Variants in BICD2 observed in about 807,000 individuals in gnomAD.
The protein encoded by BICD2 is BICD cargo adaptor 2.
A neutral mutation model predicts 72.9 loss-of-function variants in BICD2; 25 were observed. The ratio of observed to expected loss-of-function variants is 0.34; its 90% CI spans 0.25 to 0.48. The LOEUF (loss-of-function observed/expected upper bound fraction) is 0.48. BICD2 is among the 20% of genes least tolerant of loss of function. The pLI, the probability that BICD2 is intolerant of heterozygous loss-of-function variation, is 0.99. For missense variants in BICD2, 894 were observed against 1,175.2 expected (o/e 0.76, Z 3.50); for synonymous variants, 501 against 516.1 (o/e 0.97, Z 0.40).
chr9:92,738,541 G>A (rs1274245944), intron 1 of BICD2, among the ~76,000 whole-genome samples: 4 of 152,212 alleles, frequency 2.6e-5, no homozygotes, highest in African/African-American at 9.6e-5. Context: ...GAGAGAATGT[G>A]GATATCTCCA....
rs747623838 is a variant in BICD2 at position 92,720,849 on chromosome 9, G to A, written c.607-94C>T. The A allele has an allele frequency of 4.6e-5, 61 of 1,323,726 alleles. No homozygotes were observed. The highest frequency in any genetic ancestry group is 5.3e-5 in the Non-Finnish European group (52 of 977,920). The allele number at this position is 1,323,726 out of a possible 1,614,324, so 82.0% of individuals were successfully genotyped here. Reference sequence around the variant, plus strand: ...GAAAACACACCAGCACACCAACTCCGGCCACTATGAAGCAAAAGATGAAGC... The same window carrying A: ...GAAAACACACCAGCACACCAACTCCAGCCACTATGAAGCAAAAGATGAAGC... On this transcript the variant is annotated intron_variant, in intron 3 of 6. Transcript: ENST00000356884. This position sits in a 1 kb window ranked among gnomAD's most constrained non-coding sequence, Gnocchi z 5.4.
At chr9:92,754,393 C>A (rs1044404582) in intron 1 of BICD2, among the ~76,000 whole-genome samples, 1 of 152,152 alleles carries the variant, frequency 6.6e-6, no homozygotes, top group Admixed American at 6.5e-5. Flanking sequence ...GAAAACTGTA[C>A]GTAGGCAAAT....
chr9:92,744,916 C>T (rs1364066540), intron 1 of BICD2, among the ~76,000 whole-genome samples: 1 of 152,086 alleles, frequency 6.6e-6, no homozygotes, highest in Non-Finnish European at 1.5e-5. Context: ...TGCCAACATA[C>T]ACACATGCAC....
rs1261860389 is a variant in BICD2 at position 92,764,194 on chromosome 9, G to A, written c.240+311C>T. Among the ~76,000 whole-genome samples the A allele has an allele frequency of 7.2e-6, 1 of 138,332 alleles. No homozygotes were observed. Among genetic ancestry groups the A allele is most frequent in the Non-Finnish European group, 1.6e-5 (1 of 64,224 alleles). 90.8% of individuals were successfully genotyped at this position (138,332 alleles called of 152,430 possible). On this transcript the variant is annotated intron_variant, in intron 1 of 6. Transcript: ENST00000356884. This position sits in a 1 kb window ranked among gnomAD's most constrained non-coding sequence, Gnocchi z 5.5. ...AGACACACCCGGAACAGCGACCACCGCAAAGCATCAGCCCTTACGAAGCCC... is the reference window on the plus strand; with the variant it reads ...AGACACACCCGGAACAGCGACCACCACAAAGCATCAGCCCTTACGAAGCCC...
At chr9:92,749,970 A>C (rs1459041511) in intron 1 of BICD2, among the ~76,000 whole-genome samples, 1 of 152,258 alleles carries the variant, frequency 6.6e-6, no homozygotes, top group Non-Finnish European at 1.5e-5. Context: ...CTGGGCTGAA[A>C]GCCACAGGAG....
Position 92,715,009 on chromosome 9 carries a change from A to G in BICD2, c.*145T>C. On this transcript the variant is annotated 3_prime_UTR_variant, in exon 7 of 7. Coordinates refer to ENST00000356884, the MANE Select transcript of BICD2 (RefSeq NM_001003800.2). ...CAAAGCTCTCACAAGTGTCCTGCTG[A>G]TGCAACGCCCCATGGCGCCTCGGCT... 1 of 1,421,828 alleles carries G rather than the reference A, an allele frequency of 7.0e-7. No individual in the cohort carries two copies. The highest frequency in any genetic ancestry group is 9.2e-7 in the Non-Finnish European group (1 of 1,088,368). The allele number at this position is 1,421,828 out of a possible 1,614,324, so 88.1% of individuals were successfully genotyped here. A position where few individuals can be genotyped will look rare whatever the true frequency, so the allele number is the denominator to read the frequency against.
chr9:92,763,818 G>A (rs1252683397), intron 1 of BICD2, among the ~76,000 whole-genome samples: 1 of 152,200 alleles, frequency 6.6e-6, no homozygotes, highest in Non-Finnish European at 1.5e-5. Flanking sequence ...AGTGGGCCAG[G>A]GAAGTCATGC....
intron 6 of BICD2, among the ~76,000 whole-genome samples, chr9:92,715,735 G>T (rs536816880): frequency 1.3e-5 from 2 of 152,326 alleles, no homozygotes; most frequent in African/African-American, 2.4e-5. Flanking sequence ...GTGGTTTTGT[G>T]GGGGAGGGGC....
At chr9:92,748,299 G>A (rs1278333500) in intron 1 of BICD2, among the ~76,000 whole-genome samples, 6 of 152,086 alleles carry the variant, frequency 3.9e-5, no homozygotes, top group African/African-American at 7.2e-5. Context: ...GCTGAATCAC[G>A]CACGATGTGC....
Position 92,714,003 on chromosome 9 carries a change from G to A in BICD2, c.*1151C>T, listed in dbSNP as rs1853248043. 3 of 986,970 alleles carry A rather than the reference G, an allele frequency of 3.0e-6. No homozygotes were observed. Among genetic ancestry groups the A allele is most frequent in the Non-Finnish European group, 3.6e-6 (3 of 830,882 alleles). The allele number at this position is 986,970 out of a possible 1,614,324, so 61.1% of individuals were successfully genotyped here. ...GGAAAAAAGTACTGAGAAAAGTTCT[G>A]CTCAGAATGTGGGAAGGCAGGTGTG... On this transcript the variant is annotated 3_prime_UTR_variant, in exon 7 of 7. Transcript: ENST00000356884.
intron 1 of BICD2, among the ~76,000 whole-genome samples, chr9:92,745,913 C>T (rs1287048296): frequency 6.6e-6 from 1 of 152,224 alleles, no homozygotes; most frequent in Non-Finnish European, 1.5e-5. Flanking sequence ...TCAAAATCAC[C>T]TGGAGAACTG....
intron 2 of BICD2, among the ~76,000 whole-genome samples, chr9:92,724,818 G>A (rs866016290): frequency 2.6e-5 from 4 of 152,190 alleles, no homozygotes; most frequent in African/African-American, 9.7e-5. Context: ...CACCCCAGCT[G>A]GAGACTTGGG....
chr9:92,762,887 G>A (rs929552752), intron 1 of BICD2, among the ~76,000 whole-genome samples: 3 of 152,288 alleles, frequency 2.0e-5, no homozygotes, highest in African/African-American at 7.2e-5. Flanking sequence ...AGTGCTGCCT[G>A]CTGGAGAGGG....
chr9:92,734,632 A>G (rs967627211), intron 1 of BICD2, among the ~76,000 whole-genome samples: 5 of 141,882 alleles, frequency 3.5e-5, no homozygotes, highest in African/African-American at 1.4e-4. Flanking sequence ...TTGTCTCCTC[A>G]GGAGGAAGCA....
chr9:92,719,549 G>A lies in BICD2; in HGVS notation c.1096C>T (p.Leu366=). 1 of 1,608,798 alleles carries A rather than the reference G, an allele frequency of 6.2e-7. No individual in the cohort carries two copies. Residue 366 remains leucine (L), a synonymous_variant, in exon 5 of 7, where the codon CTG becomes TTG. Coordinates refer to ENST00000356884, the MANE Select transcript of BICD2 (RefSeq NM_001003800.2). ...TCCAGCTGCTTCTGTGTGTCCTGCA[G>A]CGTTGCCAGCAGGCCCGCCTTTTCC... is the stretch of plus-strand genomic sequence containing the variant. ...EREKAGLLAT[L]QDTQKQLEHT...
At chr9:92,723,826 C>T (rs1340550510) in intron 2 of BICD2, among the ~76,000 whole-genome samples, 7 of 152,176 alleles carry the variant, frequency 4.6e-5, no homozygotes, top group African/African-American at 1.7e-4. Flanking sequence ...ACAGAATTTC[C>T]AACTTGCTGC....
intron 1 of BICD2, among the ~76,000 whole-genome samples, chr9:92,756,421 C>A (rs1201509320): frequency 6.6e-6 from 1 of 151,938 alleles, no homozygotes; most frequent in Non-Finnish European, 1.5e-5. Context: ...GCCACCAAGC[C>A]CGGCTAATTT....
chr9:92,752,277 G>A (rs974713267), intron 1 of BICD2, among the ~76,000 whole-genome samples: 1 of 151,924 alleles, frequency 6.6e-6, no homozygotes, highest in Admixed American at 6.6e-5. Context: ...CTAGGACTGA[G>A]GGAGGAAACA....
chr9:92,713,431 T>A lies in BICD2; in HGVS notation c.*1723A>T. 6.3e-7 allele frequency: 1 copy of A among 1,584,950 alleles called. No homozygotes were observed. The highest frequency in any genetic ancestry group is 2.3e-5 in the East Asian group (1 of 44,000). ...GGGGCTGCAGTGTGACAGGGCCGGG[T>A]GGCCAAGTCCTCCTGGCAGCTACTC... On this transcript the variant is annotated 3_prime_UTR_variant, in exon 7 of 7. Transcript: ENST00000356884.
Sources: allele counts gnomAD v4.1 joint callset (sites outside exome capture counted in the v4.1 genomes callset), GRCh38; gene constraint gnomAD v4.1.1; non-coding constraint Gnocchi (gnomAD v3.1); transcripts MANE v1.5; gene names NCBI Gene and HGNC (gene_info 2026-07-23, HGNC 2026-07-21).